The following PCDHA8 variants were observed in gnomAD, a reference collection of about 807,000 sequenced individuals.
The protein encoded by PCDHA8 is protocadherin alpha 8.
Under a neutral mutation model 61.8 loss-of-function variants are expected in PCDHA8, and 53 were observed. The observed-to-expected ratio is 0.86, with a 90% CI of 0.69 to 1.08. The LOEUF (loss-of-function observed/expected upper bound fraction) is 1.08. Among genes scored for constraint, PCDHA8 ranks in the 50% least tolerant of loss-of-function variants. The pLI, the probability that PCDHA8 is intolerant of heterozygous loss-of-function variation, is 0.00. For synonymous variants in PCDHA8, 618 were observed against 556.6 expected (o/e 1.11, Z -1.55); for missense variants, 1,293 against 1,245.0 (o/e 1.04, Z -0.58).
At chr5:140,866,149 T>A (rs1554160036) in intron 1 of PCDHA8, 2 of 152,248 alleles carry the variant, frequency 1.3e-5, no homozygotes, top group Non-Finnish European at 2.9e-5. Context: ...GGAAGTGATA[T>A]AAGTAAGAAT....
chr5:140,884,514 C>T (rs368331245), intron 1 of PCDHA8: 3 of 1,614,176 alleles, frequency 1.9e-6, no homozygotes, highest in African/African-American at 1.3e-5. Context: ...GGGAGTTGGT[C>T]GTACTCGCAG....
At chr5:140,876,164 C>G in intron 1 of PCDHA8, 5 of 1,613,950 alleles carry the variant, frequency 3.1e-6, no homozygotes, top group Non-Finnish European at 4.2e-6. Context: ...ATTCAAATAA[C>G]CGTCCTGGAT....
At position 140,883,880 on chromosome 5, in the gene PCDHA8, C is replaced by T. The variant is rs782301944; in HGVS notation, c.2394+40165C>T. The stretch of plus-strand genomic sequence containing the variant: ...GCTGTTGCAGTTCCAGGTGAGCGCG[C>T]GCGACTCTGGCGTGCCGCCTCTGGG... On this transcript the variant is annotated intron_variant, in intron 1 of 3. Transcript: ENST00000531613. 20 of 1,613,304 alleles carry T rather than the reference C, an allele frequency of 1.2e-5. No homozygotes were observed. The Middle Eastern group carries it at 6.9e-4, about 56-fold the overall frequency.
Position 141,011,328 on chromosome 5 carries a change from A to G in PCDHA8, c.*1391A>G, listed in dbSNP as rs1554263430. 2 of 153,726 alleles carry G rather than the reference A, an allele frequency of 1.3e-5. No homozygotes were observed. Among genetic ancestry groups the G allele is most frequent in the Admixed American group, 1.3e-4 (2 of 15,268 alleles). 9.5% of individuals were successfully genotyped at this position (153,726 alleles called of 1,614,324 possible). On this transcript the variant is annotated 3_prime_UTR_variant, in exon 4 of 4. Transcript: ENST00000531613. Reference sequence around the variant, plus strand: ...ATTGCTAATCTTACTAACACCTATGATGTTACCTGAAATCAATCTCCCATA... The same window carrying G: ...ATTGCTAATCTTACTAACACCTATGGTGTTACCTGAAATCAATCTCCCATA...
chr5:140,844,012 A>G (rs2150368214), intron 1 of PCDHA8, among the ~76,000 whole-genome samples: 3 of 149,698 alleles, frequency 2.0e-5, no homozygotes, highest in African/African-American at 7.3e-5. Flanking sequence ...TACTCTAAGG[A>G]CGTTCAGGGC....
rs1340886726 is a variant in PCDHA8, at chr5:140,874,290, G to A, written c.2394+30575G>A. Among the ~76,000 whole-genome samples, 3 of 152,146 alleles carry A rather than the reference G, an allele frequency of 2.0e-5. No homozygotes were observed. The East Asian group carries it at 5.8e-4, about 29-fold the overall frequency. On this transcript the variant is annotated intron_variant, in intron 1 of 3. Transcript: ENST00000531613. ...GTATTAATAGACTTACAAAATCTAT[G>A]TGTACTTGTTCACAATGAGTTGTAG...
In PCDHA8 at chr5:140,841,736, A is replaced by G; in HGVS notation, c.415A>G (p.Lys139Glu). 6.2e-7 allele frequency: 1 copy of G among 1,613,716 alleles called. No individual in the cohort carries two copies. Among genetic ancestry groups the G allele is most frequent in the Non-Finnish European group, 8.5e-7 (1 of 1,179,826 alleles). The change falls in exon 1 of 4, where the codon AAG (lysine) becomes GAG (glutamate). Residue 139 changes from lysine to glutamate, a missense_variant. Physicochemically the swap from Lys to Glu is moderately conservative, Grantham distance 56 (BLOSUM62 1). Coordinates refer to ENST00000531613, the MANE Select transcript of PCDHA8 (RefSeq NM_018911.3). ...GCCAGTGTTCCGGGTAAAAGACCAA[A>G]AGCTGTTTGTTTCAGAATCCAGAAT... The part of the protein sequence containing the change: ...NPPVFRVKDQ[K>E]LFVSESRMPD...
intron 1 of PCDHA8, among the ~76,000 whole-genome samples, chr5:140,906,628 G>A (rs976764797): frequency 2.0e-5 from 3 of 152,180 alleles, no homozygotes; most frequent in African/African-American, 7.2e-5. Context: ...CCTTCAGCAA[G>A]CACCTCAGCA....
At chr5:140,858,742 T>A in intron 1 of PCDHA8, 1 of 467,252 alleles carries the variant, frequency 2.1e-6, no homozygotes, top group African/African-American at 2.0e-5. Flanking sequence ...ACTTTCATAA[T>A]CACTTTTCGT....
Position 140,842,478 on chromosome 5 carries a change from C to A in PCDHA8, c.1157C>A (p.Thr386Asn), listed in dbSNP as rs2150337029. 3.7e-4 allele frequency: 597 copies of A among 1,613,926 alleles called. 9 individuals carry two copies. The African/African-American group carries it at 6.5e-3, about 18-fold the overall frequency. The change falls in exon 1 of 4, where the codon ACC becomes AAC. Residue 386 changes from threonine (T) to asparagine (N), a missense_variant. By Grantham distance (65) the Thr-to-Asn change is moderately conservative (BLOSUM62 0). Transcript: ENST00000531613. Reference protein sequence around the residue: ...DLDSGANGQVTCSLMPHVPFK... With the variant: ...DLDSGANGQVNCSLMPHVPFK... ...GATTCAGGTGCCAACGGGCAGGTGA[C>A]CTGCTCCCTGATGCCCCATGTCCCC...
At chr5:140,882,871 C>T in intron 1 of PCDHA8, 1 of 1,614,164 alleles carries the variant, frequency 6.2e-7, no homozygotes, top group East Asian at 2.2e-5. Flanking sequence ...AAACACTGGA[C>T]AGAGAGGAAA....
intron 1 of PCDHA8, among the ~76,000 whole-genome samples, chr5:140,919,430 T>C (rs935963449): frequency 1.3e-5 from 2 of 152,196 alleles, no homozygotes; most frequent in Non-Finnish European, 2.9e-5. Flanking sequence ...TGCCTTTTGA[T>C]TGGGTTCTTT....
intron 1 of PCDHA8, among the ~76,000 whole-genome samples, chr5:140,911,493 A>G (rs1157677496): frequency 6.6e-6 from 1 of 152,168 alleles, no homozygotes; most frequent in African/African-American, 2.4e-5. Context: ...CAATCTTAGC[A>G]GGTTTGAGGT....
intron 1 of PCDHA8, among the ~76,000 whole-genome samples, chr5:140,946,634 A>ATAT (rs1554217761): frequency 1.4e-5 from 2 of 147,350 alleles, no homozygotes; most frequent in Non-Finnish European, 3.0e-5. Context: ...ATATATATAC[A>ATAT]ATGGAATACT....
intron 1 of PCDHA8, among the ~76,000 whole-genome samples, chr5:140,894,027 A>G (rs1251239546): frequency 6.6e-6 from 1 of 152,206 alleles, no homozygotes; most frequent in Non-Finnish European, 1.5e-5. Context: ...AGTTCTGCAT[A>G]CTGGTAATGT....
In PCDHA8 at chr5:140,853,170, C is replaced by T. The variant is rs1034307381; in HGVS notation, c.2394+9455C>T. 1.5e-5 allele frequency: 14 copies of T among 964,092 alleles called. 1 individual carries two copies. The highest frequency in any genetic ancestry group is 4.8e-5 in the South Asian group (1 of 20,842). The allele number at this position is 964,092 out of a possible 1,614,324, so 59.7% of individuals were successfully genotyped here. A position where few individuals can be genotyped will look rare whatever the true frequency, so the allele number is the denominator to read the frequency against. ...CTGGGATTACAGGCGTGAGCCACCGCGCCTGGCCTAAAATGTGTTCTTTAT... is the reference window on the plus strand; with the variant it reads ...CTGGGATTACAGGCGTGAGCCACCGTGCCTGGCCTAAAATGTGTTCTTTAT... On this transcript the variant is annotated intron_variant, in intron 1 of 3. Transcript: ENST00000531613.
chr5:140,972,241 GC>G (rs1162351861), intron 1 of PCDHA8, among the ~76,000 whole-genome samples: 1 of 151,838 alleles, frequency 6.6e-6, no homozygotes, highest in Non-Finnish European at 1.5e-5. Flanking sequence ...CTGGGCTCAA[GC>G]AATCCTCACA....
In PCDHA8 at chr5:140,862,738, T is replaced by C. The variant is rs189052602; in HGVS notation, c.2394+19023T>C. 560 of 577,110 alleles carry C rather than the reference T, an allele frequency of 9.7e-4. 3 individuals are homozygous for C. The highest frequency in any genetic ancestry group is 1.5e-3 in the Non-Finnish European group (445 of 297,984). 35.7% of individuals were successfully genotyped at this position (577,110 alleles called of 1,614,324 possible). ...CGAGTGCGCGCTGTCTAGCTATGTG[T>C]GGGTGCACGCGGAGAGCGGCAAGAG... On this transcript the variant is annotated intron_variant, in intron 1 of 3. Coordinates refer to ENST00000531613, the MANE Select transcript of PCDHA8 (RefSeq NM_018911.3).
chr5:140,904,047 A>C (rs1554191240), intron 1 of PCDHA8, among the ~76,000 whole-genome samples: 1 of 152,164 alleles, frequency 6.6e-6, no homozygotes, highest in Admixed American at 6.6e-5. Flanking sequence ...TAATTTTTTT[A>C]TTTCAATGGG....
Sources: allele counts gnomAD v4.1 joint callset (sites outside exome capture counted in the v4.1 genomes callset), GRCh38; gene constraint gnomAD v4.1.1; transcripts MANE v1.5; gene names NCBI Gene and HGNC (gene_info 2026-07-23, HGNC 2026-07-21).